The following EYS variants were observed in gnomAD, a reference collection of about 807,000 sequenced individuals.
The protein encoded by EYS is protein eyes shut homolog.
In EYS, 250 loss-of-function variants were observed where a neutral mutation model predicts 282.1. The observed-to-expected ratio is 0.89, with a 90% CI of 0.80 to 0.98. The LOEUF (loss-of-function observed/expected upper bound fraction) is 0.98. EYS is among the 50% of genes least tolerant of loss of function. EYS has a pLI of 0.00. For missense variants in EYS, 4,016 were observed against 3,709.0 expected, an observed-to-expected ratio of 1.08 and a Z score of -2.15; for synonymous variants, 1,355 against 1,282.9, an observed-to-expected ratio of 1.06 and a Z score of -1.20.
intron 40 of EYS, among the ~76,000 whole-genome samples, chr6:63,765,252 A>C (rs1449340142): frequency 6.6e-6 from 1 of 152,086 alleles, no homozygotes; most frequent in African/African-American, 2.4e-5. Flanking sequence ...TTTTGACCTC[A>C]TGGACTTCTG....
intron 29 of EYS, among the ~76,000 whole-genome samples, chr6:64,325,314 A>T (rs1377686419): frequency 2.0e-5 from 3 of 152,212 alleles, no homozygotes; most frequent in Admixed American, 6.5e-5. Context: ...GAAGAGAGAT[A>T]ACAATCATTG....
intron 12 of EYS, among the ~76,000 whole-genome samples, chr6:65,210,073 A>G (rs1178345135): frequency 6.6e-6 from 1 of 152,030 alleles, no homozygotes; most frequent in Non-Finnish European, 1.5e-5. Flanking sequence ...TAATAGTGAA[A>G]TGGATCAAAT....
At chr6:64,167,192 A>T (rs1383289445) in intron 31 of EYS, among the ~76,000 whole-genome samples, 1 of 152,198 alleles carries the variant, frequency 6.6e-6, no homozygotes, top group African/African-American at 2.4e-5. Context: ...TAAGAGAATC[A>T]TACCGCAAGG....
intron 30 of EYS, among the ~76,000 whole-genome samples, chr6:64,239,263 A>G (rs574926543): frequency 6.6e-6 from 1 of 152,312 alleles, no homozygotes; most frequent in Non-Finnish European, 1.5e-5. Flanking sequence ...CTTTGGGTAT[A>G]TACCCAGTAA....
At chr6:63,867,607 G>A (rs1581912647) in intron 35 of EYS, among the ~76,000 whole-genome samples, 1 of 152,146 alleles carries the variant, frequency 6.6e-6, no homozygotes, top group South Asian at 2.1e-4. Flanking sequence ...CATCATAAAG[G>A]CACGAACAAA....
intron 12 of EYS, among the ~76,000 whole-genome samples, chr6:65,232,674 A>G (rs1766814290): frequency 6.6e-6 from 1 of 152,038 alleles, no homozygotes; most frequent in Non-Finnish European, 1.5e-5. Context: ...TCCATACTTG[A>G]TTTAGCTTCT....
intron 35 of EYS, among the ~76,000 whole-genome samples, chr6:63,937,426 G>C (rs1765101647): frequency 8.2e-6 from 1 of 121,324 alleles, no homozygotes; most frequent in African/African-American, 3.2e-5. Flanking sequence ...TGTTGCCCAG[G>C]CTGGAGTGCA....
chr6:63,949,080 T>C (rs1415155375), intron 35 of EYS, among the ~76,000 whole-genome samples: 1 of 152,198 alleles, frequency 6.6e-6, no homozygotes, highest in East Asian at 1.9e-4. Context: ...AGATTCCATA[T>C]AGCTCAAAGA....
intron 30 of EYS, among the ~76,000 whole-genome samples, chr6:64,259,569 G>A (rs1166421145): frequency 1.3e-5 from 2 of 151,676 alleles, no homozygotes; most frequent in East Asian, 3.9e-4. Context: ...ACTTTGATAT[G>A]TGTGCCAATT....
intron 16 of EYS, among the ~76,000 whole-genome samples, chr6:64,909,226 A>C (rs1051899084): frequency 6.6e-6 from 1 of 152,156 alleles, no homozygotes; most frequent in African/African-American, 2.4e-5. Context: ...ATATTTTTAA[A>C]ATTTCTAGAA....
At chr6:64,206,191 A>G (rs115184807) in intron 31 of EYS, among the ~76,000 whole-genome samples, 1 of 152,312 alleles carries the variant, frequency 6.6e-6, no homozygotes, top group Non-Finnish European at 1.5e-5. Context: ...TTTATATTTA[A>G]TGTGTAGATT....
At position 64,471,584 on chromosome 6, in the gene EYS, G is replaced by T. The variant is rs185677297; in HGVS notation, c.5645-32232C>A. Among the ~76,000 whole-genome samples, 6 of 152,088 alleles carry T rather than the reference G, an allele frequency of 3.9e-5. No individual in the cohort carries two copies. The East Asian group carries it at 9.7e-4, about 25-fold the overall frequency. Reference sequence around the variant, plus strand: ...AAAACACTGATGAAATAAATTGAAGGGGCCACAAGCAAATGAAAGGATACT... The same window carrying T: ...AAAACACTGATGAAATAAATTGAAGTGGCCACAAGCAAATGAAAGGATACT... On this transcript the variant is annotated intron_variant, in intron 26 of 42. Coordinates refer to ENST00000503581, the MANE Select transcript of EYS (RefSeq NM_001142800.2).
At chr6:65,598,249 A>AC (rs1491121936) in intron 2 of EYS, among the ~76,000 whole-genome samples, 4 of 37,072 alleles carry the variant, frequency 1.1e-4, no homozygotes, top group Non-Finnish European at 1.9e-4. Flanking sequence ...CCCCCCCCCC[A>AC]AAAAAAAAAA....
intron 35 of EYS, among the ~76,000 whole-genome samples, chr6:63,951,564 C>A (rs1765594813): frequency 6.6e-6 from 1 of 152,072 alleles, no homozygotes; most frequent in African/African-American, 2.4e-5. Flanking sequence ...CTAGACTGAT[C>A]CTCCTCAGGT....
At chr6:64,425,963 C>G (rs1467159896) in intron 28 of EYS, among the ~76,000 whole-genome samples, 1 of 151,808 alleles carries the variant, frequency 6.6e-6, no homozygotes, top group Non-Finnish European at 1.5e-5. Flanking sequence ...ATTTAAGATA[C>G]AGATGAGGCA....
At chr6:65,430,782 A>G (rs939903883) in intron 5 of EYS, among the ~76,000 whole-genome samples, 13 of 152,206 alleles carry the variant, frequency 8.5e-5, no homozygotes, top group African/African-American at 3.1e-4. Context: ...ATCCTGGGCC[A>G]GAAAGGAACC....
intron 15 of EYS, among the ~76,000 whole-genome samples, chr6:64,945,069 G>T (rs1257562124): frequency 6.6e-6 from 1 of 150,386 alleles, no homozygotes; most frequent in Non-Finnish European, 1.5e-5. Context: ...AGAGGCCGGT[G>T]CAGGTCCTTG....
At chr6:65,120,020 C>T (rs1156974787) in intron 12 of EYS, among the ~76,000 whole-genome samples, 7 of 151,002 alleles carry the variant, frequency 4.6e-5, no homozygotes, top group East Asian at 3.9e-4. Context: ...GGCGGGGTGG[C>T]GGGCGCCTGT....
At chr6:64,395,772 T>A in intron 28 of EYS, among the ~76,000 whole-genome samples, 1 of 144,888 alleles carries the variant, frequency 6.9e-6, no homozygotes, top group African/African-American at 2.8e-5. Flanking sequence ...ACCCTAAAAC[T>A]TAAAGTATAA....
Sources: allele counts gnomAD v4.1 joint callset (sites outside exome capture counted in the v4.1 genomes callset), GRCh38; gene constraint gnomAD v4.1.1; transcripts MANE v1.5; gene names NCBI Gene and HGNC (gene_info 2026-07-23, HGNC 2026-07-21).